Variants in CCDC112 observed in about 807,000 individuals in gnomAD.
The protein encoded by CCDC112 is coiled-coil domain containing 112, also known as coiled-coil domain-containing protein 112.
In CCDC112, 40 loss-of-function variants were observed where a neutral mutation model predicts 66.3. That is an observed-to-expected ratio of 0.60 (90% CI 0.47 to 0.79). The LOEUF (loss-of-function observed/expected upper bound fraction) is 0.79. Ranked by LOEUF, CCDC112 falls within the 30% of genes least tolerant of loss-of-function variation. The pLI is 0.00. For missense variants in CCDC112, 659 were observed against 603.8 expected (o/e 1.09, Z -0.96); for synonymous variants, 214 against 197.2 (o/e 1.09, Z -0.71).
chr5:115,271,536 G>A lies in CCDC112; in HGVS notation c.1009C>T (p.His337Tyr). 6.2e-7 allele frequency: 1 copy of A among 1,608,814 alleles called. No individual in the cohort carries two copies. The highest frequency in any genetic ancestry group is 8.5e-7 in the Non-Finnish European group (1 of 1,178,616). The change falls in exon 7 of 10, where the codon CAT becomes TAT. Residue 337 changes from histidine (H) to tyrosine (Y), a missense_variant. His to Tyr is a moderately conservative substitution (Grantham distance 83). Transcript: ENST00000379611. The stretch of plus-strand genomic sequence containing the variant: ...TTTTGATTATCCTCTTGTTTATTAT[G>A]AAAAAGCACAGGTGTGTTGTCTGCC... ...EKADNTPVLF[H>Y]NKQEDNQKQK...
At chr5:115,291,370 GA>G (rs773624633) in intron 1 of CCDC112, among the ~76,000 whole-genome samples, 2 of 151,924 alleles carry the variant, frequency 1.3e-5, no homozygotes, top group Non-Finnish European at 2.9e-5. Flanking sequence ...CATGTTTTTA[GA>G]TATGTTTGCT....
chr5:115,291,213 A>G (rs1271638949), intron 1 of CCDC112, among the ~76,000 whole-genome samples: 1 of 152,086 alleles, frequency 6.6e-6, no homozygotes, highest in African/African-American at 2.4e-5. Context: ...GATTTTGTCA[A>G]TTGCTTTTCT....
At chr5:115,284,752 G>C (rs751583040) in intron 2 of CCDC112, 35 bp downstream of exon 2, 1 of 1,515,480 alleles carries the variant, frequency 6.6e-7, no homozygotes, top group African/African-American at 1.4e-5. Context: ...AAAATGGCTA[G>C]TAATGTTATT....
At chr5:115,270,639 G>A (rs1748957271) in intron 7 of CCDC112, among the ~76,000 whole-genome samples, 1 of 152,150 alleles carries the variant, frequency 6.6e-6, no homozygotes, top group Non-Finnish European at 1.5e-5. Flanking sequence ...CTACATTATG[G>A]TGGGGAAATG....
In CCDC112 at chr5:115,296,530, G is replaced by A; in HGVS notation, c.14C>T (p.Thr5Met). MAALTTVVVAAAATA... is the reference protein window; with the variant it reads MAALMTVVVAAAATA... ...GGCCGCAGCCGCTACCACAACCGTC[G>A]TCAGTGCGGCCATGTTTACCCGCCG... The change falls in exon 1 of 10, where the codon ACG becomes ATG. Residue 5 changes from threonine to methionine, a missense_variant. Transcript: ENST00000379611. 1.3e-6 allele frequency: 2 copies of A among 1,532,364 alleles called. No individual in the cohort carries two copies. The highest frequency in any genetic ancestry group is 1.7e-6 in the Non-Finnish European group (2 of 1,144,030). The allele number at this position is 1,532,364 out of a possible 1,614,324, so 94.9% of individuals were successfully genotyped here.
At chr5:115,273,097 G>A (rs1282921758) in intron 6 of CCDC112, among the ~76,000 whole-genome samples, 1 of 152,158 alleles carries the variant, frequency 6.6e-6, no homozygotes, top group Non-Finnish European at 1.5e-5. Context: ...AATTCAACAT[G>A]GGCATACCAC....
chr5:115,275,750 C>T, intron 5 of CCDC112, 144 bp from the exon 6 acceptor site: 1 of 701,088 alleles, frequency 1.4e-6, no homozygotes, highest in Non-Finnish European at 2.2e-6. Context: ...TTAAAAGAGT[C>T]TCCTCAGAGA....
At chr5:115,286,706 G>A (rs1580806913) in intron 1 of CCDC112, among the ~76,000 whole-genome samples, 1 of 152,014 alleles carries the variant, frequency 6.6e-6, no homozygotes, top group Non-Finnish European at 1.5e-5. Flanking sequence ...GAGCTCAGGA[G>A]TTTGAGACCA....
At position 115,296,441 on chromosome 5, in the gene CCDC112, G is replaced by T; in HGVS notation, c.103C>A (p.Pro35Thr). The change falls in exon 1 of 10, where the codon CCA becomes ACA. Residue 35 changes from proline to threonine, a missense_variant. Physicochemically the swap from Pro to Thr is conservative, Grantham distance 38 (BLOSUM62 -1). Coordinates refer to ENST00000379611, the MANE Select transcript of CCDC112 (RefSeq NM_001040440.3). ...AATGTGVGATPAPQQSDGCFS... is the reference protein window; with the variant it reads ...AATGTGVGATTAPQQSDGCFS... ...CCCGGATTTACCTGTTGAGGCGCTG[G>T]CGTCGCTCCCACGCCGGTCCCGGTG... 6.4e-7 allele frequency: 1 copy of T among 1,566,924 alleles called. No homozygotes were observed.
chr5:115,277,145 A>G (rs1749241380), intron 3 of CCDC112, 91 bp from the exon 4 acceptor site: 2 of 702,680 alleles, frequency 2.8e-6, no homozygotes, highest in Non-Finnish European at 5.0e-6. Context: ...CACTGTTAGT[A>G]AAAGCCAAGA....
At chr5:115,289,419 T>G (rs1199819063) in intron 1 of CCDC112, 2 of 152,786 alleles carry the variant, frequency 1.3e-5, no homozygotes, top group Admixed American at 1.3e-4. Flanking sequence ...TACCTGGCTG[T>G]TGCCGCTCCT....
Position 115,271,623 on chromosome 5 carries a change from T to A in CCDC112, c.922A>T (p.Ile308Phe). 6.6e-7 allele frequency: 1 copy of A among 1,508,856 alleles called. No individual in the cohort carries two copies. The highest frequency in any genetic ancestry group is 8.8e-7 in the Non-Finnish European group (1 of 1,135,308). 93.5% of individuals were successfully genotyped at this position (1,508,856 alleles called of 1,614,324 possible). A position where few individuals can be genotyped will look rare whatever the true frequency, so the allele number is the denominator to read the frequency against. Residue 308 changes from isoleucine (I) to phenylalanine (F), a missense_variant, in exon 7 of 10, where the codon ATT becomes TTT. Ile to Phe is a conservative substitution (Grantham distance 21, BLOSUM62 0). Transcript: ENST00000379611. The part of the protein sequence containing the change: ...LALEERKKES[I>F]QIWKTKKQQK... ...TGCTTTTTAGTTTTCCAAATCTGAA[T>A]TGACTAAATGATTTTTTTAAAAAAA...
Position 115,296,591 on chromosome 5 carries a change from G to T in CCDC112, c.-48C>A. 4 of 1,420,306 alleles carry T rather than the reference G, an allele frequency of 2.8e-6. No homozygotes were observed. Among genetic ancestry groups the T allele is most frequent in the Non-Finnish European group, 3.7e-6 (4 of 1,091,470 alleles). 88.0% of individuals were successfully genotyped at this position (1,420,306 alleles called of 1,614,324 possible). A position where few individuals can be genotyped will look rare whatever the true frequency, so the allele number is the denominator to read the frequency against. Reference sequence around the variant, plus strand: ...GCCGCGGCGGCCACCGGTGCCTGGGGATTCGTGGCAGGCGCACCCTGGCCT... The same window carrying T: ...GCCGCGGCGGCCACCGGTGCCTGGGTATTCGTGGCAGGCGCACCCTGGCCT... On this transcript the variant is annotated 5_prime_UTR_variant, in exon 1 of 10. Coordinates refer to ENST00000379611, the MANE Select transcript of CCDC112 (RefSeq NM_001040440.3).
chr5:115,281,488 A>T (rs1358860598), intron 2 of CCDC112, among the ~76,000 whole-genome samples: 1 of 152,250 alleles, frequency 6.6e-6, no homozygotes, highest in Non-Finnish European at 1.5e-5. Flanking sequence ...AGATAAAGAT[A>T]TCAAATAGAT....
intron 1 of CCDC112, among the ~76,000 whole-genome samples, chr5:115,285,323 G>A (rs1488398629): frequency 6.6e-6 from 1 of 152,098 alleles, no homozygotes; most frequent in African/African-American, 2.4e-5. Context: ...GCAATAAAAT[G>A]AAAACTCCAC....
intron 1 of CCDC112, among the ~76,000 whole-genome samples, chr5:115,285,488 TG>T (rs953590215): frequency 1.3e-5 from 2 of 152,044 alleles, no homozygotes; most frequent in African/African-American, 4.8e-5. Flanking sequence ...TAGGAAAGTG[TG>T]TTCTAAGCAA....
Position 115,271,646 on chromosome 5 carries a change from AAAG to A in CCDC112, c.919-23_919-21del. On this transcript the variant is annotated intron_variant, in intron 6 of 9. Coordinates refer to ENST00000379611, the MANE Select transcript of CCDC112 (RefSeq NM_001040440.3). ...AATTGACTAAATGATTTTTTTAAAAAAAGAAAGCAAGAGAAAAAAGTTTTTTAA... is the reference window on the plus strand; with the variant it reads ...AATTGACTAAATGATTTTTTTAAAAAAAAGCAAGAGAAAAAAGTTTTTTAA... The A allele has an allele frequency of 6.8e-7, 1 of 1,466,504 alleles. No individual in the cohort carries two copies. Among genetic ancestry groups the A allele is most frequent in the Non-Finnish European group, 9.0e-7 (1 of 1,112,024 alleles). 90.8% of individuals were successfully genotyped at this position (1,466,504 alleles called of 1,614,324 possible). A position where few individuals can be genotyped will look rare whatever the true frequency, so the allele number is the denominator to read the frequency against.
chr5:115,269,797 T>A lies in CCDC112; in HGVS notation c.1334A>T (p.Asp445Val), dbSNP rs1390859477. 4 of 1,535,840 alleles carry A rather than the reference T, an allele frequency of 2.6e-6. No homozygotes were observed. Among genetic ancestry groups the A allele is most frequent in the African/African-American group, 2.8e-5 (2 of 70,862 alleles). Residue 445 changes from aspartate (D) to valine (V), a missense_variant and splice_region_variant, in exon 8 of 10, where the codon GAT becomes GTT. Asp to Val is a radical substitution (Grantham distance 152). Coordinates refer to ENST00000379611, the MANE Select transcript of CCDC112 (RefSeq NM_001040440.3). ...AATTTTCAGTTCAAGTTTATGTAAA[T>A]CCTTAAAAAAAAAAACCCATAGCAT... Reference protein sequence around the residue: ...ADEISRFQERDLHKLELKILD... With the variant: ...ADEISRFQERVLHKLELKILD...
rs116505907 is a variant in CCDC112, at chr5:115,277,506, T to A, written c.362-452A>T. ...TCTGTGAATACTGAGAAACTTCCCA[T>A]TGAGAATTAATTTCATCCAACCAAA... On this transcript the variant is annotated intron_variant, in intron 3 of 9. Coordinates refer to ENST00000379611, the MANE Select transcript of CCDC112 (RefSeq NM_001040440.3). 6.4e-3 allele frequency among the ~76,000 whole-genome samples: 974 copies of A among 152,278 alleles called. 15 individuals carry two copies. Among genetic ancestry groups the A allele is most frequent in the African/African-American group, 0.022 (933 of 41,560 alleles).
Sources: gnomAD v4.1 joint callset for allele counts (sites outside exome capture counted in the v4.1 genomes callset) on GRCh38, gnomAD v4.1.1 for gene constraint, MANE v1.5 for transcripts, NCBI Gene and HGNC (gene_info 2026-07-23, HGNC 2026-07-21) for gene names.